VDAC1: variants seen among roughly 807,000 people sequenced by gnomAD.
The protein encoded by VDAC1 is voltage dependent anion channel 1, also known as non-selective voltage-gated ion channel VDAC1.
In VDAC1, 10 loss-of-function variants were observed where a neutral mutation model predicts 34.7. That is an observed-to-expected ratio of 0.29 (90% confidence interval 0.18 to 0.49). The LOEUF (loss-of-function observed/expected upper bound fraction) is 0.49, where lower values mean the gene tolerates loss of function less well. Ranked by LOEUF, VDAC1 falls within the 20% of genes least tolerant of loss-of-function variation. The pLI, the probability that VDAC1 is intolerant of heterozygous loss-of-function variation, is 0.99. For missense variants in VDAC1, 230 were observed against 347.9 expected (o/e 0.66, Z 2.69); for synonymous variants, 130 against 136.0 (o/e 0.96, Z 0.30).
chr5:134,084,871 T>C, the VDAC1 span, among the ~76,000 whole-genome samples: 2 of 152,188 alleles, frequency 1.3e-5, no homozygotes, highest in South Asian at 4.1e-4. Context: ...ACTGGCATTT[T>C]CCTGATGAAG....
At chr5:134,077,594 T>C in the VDAC1 span, among the ~76,000 whole-genome samples, 1 of 152,206 alleles carries the variant, frequency 6.6e-6, no homozygotes, top group African/African-American at 2.4e-5. Flanking sequence ...GGAACTAATG[T>C]GTGTCCAACT....
chr5:133,979,898 C>T (rs892452041), intron 6 of VDAC1, among the ~76,000 whole-genome samples: 4 of 152,150 alleles, frequency 2.6e-5, no homozygotes, highest in Non-Finnish European at 5.9e-5. Context: ...GATTGTCCAT[C>T]TCTATAGTTT....
chr5:134,013,832 C>T, the VDAC1 span, among the ~76,000 whole-genome samples: 2 of 152,060 alleles, frequency 1.3e-5, no homozygotes, highest in Non-Finnish European at 2.9e-5. Flanking sequence ...ATCCCAGCTA[C>T]TCGGGAGGCT....
At chr5:134,113,527 C>T in the VDAC1 span, among the ~76,000 whole-genome samples, 1 of 152,232 alleles carries the variant, frequency 6.6e-6, no homozygotes, top group South Asian at 2.1e-4. Context: ...AATACCCGGC[C>T]CTCCCCCAAA....
chr5:134,087,920 C>T, the VDAC1 span, among the ~76,000 whole-genome samples: 2 of 151,378 alleles, frequency 1.3e-5, no homozygotes, highest in Non-Finnish European at 2.9e-5. Context: ...GAGGCCAAGG[C>T]GGGCAGGTCA....
At chr5:133,990,761 T>C in intron 5 of VDAC1, 94 bp downstream of exon 5, 2 of 1,419,518 alleles carry the variant, frequency 1.4e-6, no homozygotes, top group Non-Finnish European at 1.9e-6. Flanking sequence ...ATATTTTAGG[T>C]GCTGTCAGCC....
chr5:133,982,720 T>C (rs1187160809), intron 5 of VDAC1, among the ~76,000 whole-genome samples: 1 of 151,536 alleles, frequency 6.6e-6, no homozygotes, highest in Non-Finnish European at 1.5e-5. Context: ...CAAAACCCCA[T>C]CTCTACTAAA....
the VDAC1 span, among the ~76,000 whole-genome samples, chr5:134,063,995 ATTTT>A: frequency 4.6e-5 from 4 of 86,516 alleles, no homozygotes; most frequent in Admixed American, 1.3e-4. Flanking sequence ...ACCTGTACTA[ATTTT>A]TTTTTTTTTT....
the VDAC1 span, among the ~76,000 whole-genome samples, chr5:134,015,213 G>T: frequency 6.6e-6 from 1 of 152,050 alleles, no homozygotes. Context: ...CTACAAGAGA[G>T]GGGAGGGAGG....
At chr5:134,100,201 G>A in the VDAC1 span, among the ~76,000 whole-genome samples, 1 of 152,206 alleles carries the variant, frequency 6.6e-6, no homozygotes. Flanking sequence ...GCAGTGGCCT[G>A]GGCTGGTCTC....
chr5:134,039,351 C>T, the VDAC1 span, among the ~76,000 whole-genome samples: 2 of 152,024 alleles, frequency 1.3e-5, no homozygotes, highest in South Asian at 2.1e-4. Context: ...TTTTTTGAGA[C>T]GGAGTCTCCC....
chr5:133,972,330 A>G lies in VDAC1; in HGVS notation c.*441T>C, dbSNP rs1302393746. 3 of 325,616 alleles carry G rather than the reference A, an allele frequency of 9.2e-6. No homozygotes were observed. Among genetic ancestry groups the G allele is most frequent in the Non-Finnish European group, 1.7e-5 (3 of 180,542 alleles). The allele number at this position is 325,616 out of a possible 1,614,324, so 20.2% of individuals were successfully genotyped here. A position where few individuals can be genotyped will look rare whatever the true frequency, so the allele number is the denominator to read the frequency against. On this transcript the variant is annotated 3_prime_UTR_variant, in exon 9 of 9. Coordinates refer to ENST00000265333, the MANE Select transcript of VDAC1 (RefSeq NM_003374.3). ...TGAACTGGGGTGGGAACAGGTCATGAAGATCTGTCTAAAAAAGTCCCATTC... is the reference window on the plus strand; with the variant it reads ...TGAACTGGGGTGGGAACAGGTCATGGAGATCTGTCTAAAAAAGTCCCATTC...
the VDAC1 span, among the ~76,000 whole-genome samples, chr5:134,068,786 A>G: frequency 6.6e-6 from 1 of 152,096 alleles, no homozygotes; most frequent in East Asian, 1.9e-4. Flanking sequence ...CTTCTTCCCC[A>G]TTCTCTCCAT....
the VDAC1 span, among the ~76,000 whole-genome samples, chr5:134,041,026 T>C: frequency 1.3e-5 from 2 of 152,248 alleles, no homozygotes; most frequent in African/African-American, 4.8e-5. Context: ...ACAGATGGAC[T>C]TTAATGAAGA....
the VDAC1 span, among the ~76,000 whole-genome samples, chr5:134,114,461 G>A: frequency 1.3e-5 from 2 of 152,296 alleles, no homozygotes; most frequent in Admixed American, 6.5e-5. Flanking sequence ...AGGTGAGTAA[G>A]CGGGGTCAGG....
chr5:134,021,557 T>TAAA, the VDAC1 span, among the ~76,000 whole-genome samples: 3 of 142,434 alleles, frequency 2.1e-5, no homozygotes, highest in Admixed American at 1.4e-4. Context: ...GACCTTGTCT[T>TAAA]AAAAAAAAAA....
At chr5:134,055,390 A>G in the VDAC1 span, among the ~76,000 whole-genome samples, 1 of 152,070 alleles carries the variant, frequency 6.6e-6, no homozygotes, top group South Asian at 2.1e-4. Flanking sequence ...TCCTCGTGAC[A>G]TGTGAGGACA....
chr5:134,025,402 C>T, the VDAC1 span, among the ~76,000 whole-genome samples: 1 of 152,262 alleles, frequency 6.6e-6, no homozygotes, highest in South Asian at 2.1e-4. Context: ...CCAGGCCCCA[C>T]CTCCAACACT....
In VDAC1 at chr5:133,977,408, C is replaced by G. The variant is rs538951739; in HGVS notation, c.552-1387G>C. Among the ~76,000 whole-genome samples the G allele has an allele frequency of 3.6e-4, 55 of 152,362 alleles. 2 individuals are homozygous for G. In the South Asian group the frequency reaches 0.011, roughly 32 times the overall value. On this transcript the variant is annotated intron_variant, in intron 6 of 8. Transcript: ENST00000265333. ...ACCCCAGCTGGCCAAGCTCCCTCCTCTCTTACAAACACACTGAATGACTCC... is the reference window on the plus strand; with the variant it reads ...ACCCCAGCTGGCCAAGCTCCCTCCTGTCTTACAAACACACTGAATGACTCC...
Sources: allele counts gnomAD v4.1 joint callset (sites outside exome capture counted in the v4.1 genomes callset), GRCh38; gene constraint gnomAD v4.1.1; transcripts MANE v1.5; gene names NCBI Gene and HGNC (gene_info 2026-07-23, HGNC 2026-07-21).